Variants in UPP2 observed in about 807,000 individuals in gnomAD.
The protein encoded by UPP2 is UPase 2.
Under a neutral mutation model 26.7 loss-of-function variants are expected in UPP2, and 23 were observed. The observed-to-expected ratio is 0.86, with a 90% confidence interval of 0.62 to 1.22. UPP2 has a LOEUF of 1.22. UPP2 is among the 50% of genes most tolerant of loss of function. The pLI is 0.00. For missense variants in UPP2, 387 were observed against 396.7 expected (o/e 0.98, Z 0.21); for synonymous variants, 127 against 141.3 (o/e 0.90, Z 0.72).
intron 3 of UPP2, among the ~76,000 whole-genome samples, chr2:158,090,584 A>G (rs1682896445): frequency 6.6e-6 from 1 of 152,234 alleles, no homozygotes; most frequent in Admixed American, 6.5e-5. Context: ...TACCCATAGC[A>G]ATTAAAAATA....
At chr2:158,064,439 G>T (rs1682403002) in intron 3 of UPP2, among the ~76,000 whole-genome samples, 1 of 149,866 alleles carries the variant, frequency 6.7e-6, no homozygotes, top group South Asian at 2.1e-4. Flanking sequence ...CTTTTTGATG[G>T]TTTTTTTTTT....
intron 6 of UPP2, chr2:158,126,500 G>A (rs1683697151): frequency 6.6e-6 from 1 of 152,158 alleles, no homozygotes; most frequent in South Asian, 2.1e-4. Context: ...TCTAAAAGGT[G>A]GATTCCTGGT....
At chr2:158,013,430 A>G (rs1683611078) in intron 2 of UPP2, among the ~76,000 whole-genome samples, 1 of 152,250 alleles carries the variant, frequency 6.6e-6, no homozygotes, top group South Asian at 2.1e-4. Context: ...TACCAATGTT[A>G]GGGGTTGGCC....
At chr2:158,097,870 T>G (rs892293808), upstream of UPP2, among the ~76,000 whole-genome samples, 2 of 152,222 alleles carry the variant, frequency 1.3e-5, no homozygotes, top group East Asian at 1.9e-4. Flanking sequence ...TATAGTACTT[T>G]GAAACCTAAT....
At chr2:158,010,420 C>T (rs1280090792) in intron 2 of UPP2, among the ~76,000 whole-genome samples, 2 of 152,192 alleles carry the variant, frequency 1.3e-5, no homozygotes, top group Non-Finnish European at 2.9e-5. Flanking sequence ...ACTGTTGCAT[C>T]CTCTTCCCGC....
intron 2 of UPP2, among the ~76,000 whole-genome samples, chr2:158,009,222 T>C (rs1215783134): frequency 1.3e-5 from 2 of 152,240 alleles, no homozygotes; most frequent in Non-Finnish European, 2.9e-5. Flanking sequence ...TTTATTGTAG[T>C]TAATTCTAAA....
chr2:158,119,385 A>T (rs369882560), intron 4 of UPP2, among the ~76,000 whole-genome samples: 123 of 152,148 alleles, frequency 8.1e-4, no homozygotes, highest in African/African-American at 2.9e-3. Flanking sequence ...TTGAAGTTTT[A>T]TCCTCATTAA....
rs150913674 is a variant in UPP2 at position 158,118,753 on chromosome 2, T to C, written c.454+815T>C. Among the ~76,000 whole-genome samples, 299 of 152,038 alleles carry C rather than the reference T, an allele frequency of 2.0e-3. 2 individuals are homozygous for C. The highest frequency in any genetic ancestry group is 6.9e-3 in the African/African-American group (286 of 41,532). On this transcript the variant is annotated intron_variant, in intron 4 of 6. Coordinates refer to ENST00000005756, the MANE Select transcript of UPP2 (RefSeq NM_173355.4). ...AAGGGCTGAGATTTGGGAAGAGAAA[T>C]GGTGGTAGAATTAGACATTTATGGA...
chr2:158,110,901 G>T (rs1490353359), intron 2 of UPP2, among the ~76,000 whole-genome samples: 1 of 152,160 alleles, frequency 6.6e-6, no homozygotes, highest in African/African-American at 2.4e-5. Context: ...GCAGATTCTG[G>T]ATATTAGCCC....
chr2:157,999,820 G>T (rs1371801869), intron 2 of UPP2, among the ~76,000 whole-genome samples: 1 of 152,038 alleles, frequency 6.6e-6, no homozygotes, highest in African/African-American at 2.4e-5. Context: ...TTTATTTTGG[G>T]ATGCTATTCA....
chr2:158,017,232 A>G (rs1683673591), intron 3 of UPP2, among the ~76,000 whole-genome samples: 1 of 152,184 alleles, frequency 6.6e-6, no homozygotes, highest in Non-Finnish European at 1.5e-5. Context: ...CAGCTCTTCT[A>G]TGATTTTAAG....
chr2:158,085,197 G>A (rs1682793441), intron 3 of UPP2, among the ~76,000 whole-genome samples: 1 of 151,778 alleles, frequency 6.6e-6, no homozygotes, highest in Admixed American at 6.6e-5. Flanking sequence ...TCCTTGTAGA[G>A]GTCTTTCACC....
At chr2:158,065,512 T>G (rs1438522051) in intron 3 of UPP2, 1 of 383,846 alleles carries the variant, frequency 2.6e-6, no homozygotes, top group Non-Finnish European at 5.1e-6. Context: ...AATTCTTTCA[T>G]AACCCTATTG....
At chr2:158,023,276 C>T (rs551638050) in intron 3 of UPP2, among the ~76,000 whole-genome samples, 200 of 150,370 alleles carry the variant, frequency 1.3e-3, no homozygotes, top group Non-Finnish European at 2.2e-3. Context: ...TGCTTTACCC[C>T]CAATGTAGAG....
At position 158,096,107 on chromosome 2, in the gene UPP2, C is replaced by T. The variant is rs192371556; in HGVS notation, c.148-5933C>T. 4.1e-4 allele frequency among the ~76,000 whole-genome samples: 63 copies of T among 152,254 alleles called. 2 individuals are homozygous for T. In the East Asian group the frequency reaches 0.012, roughly 29 times the overall value. On this transcript the variant is annotated intron_variant, in intron 3 of 9. Transcript: ENST00000605860. ...ACCTTTGCTGGCTGTTCAGAGTTTTCTGTTGACTCTGAGGCTCTGGTGTTG... is the reference window on the plus strand; with the variant it reads ...ACCTTTGCTGGCTGTTCAGAGTTTTTTGTTGACTCTGAGGCTCTGGTGTTG...
rs115055423 is a variant in UPP2 at position 158,111,188 on chromosome 2, T to C, written c.181-3913T>C. Reference sequence around the variant, plus strand: ...ATTCCCTTTCCATAAGTTCTATGCATTACTGAGAGAGGTGAAGTCTCAAAC... The same window carrying C: ...ATTCCCTTTCCATAAGTTCTATGCACTACTGAGAGAGGTGAAGTCTCAAAC... On this transcript the variant is annotated intron_variant, in intron 2 of 6. Transcript: ENST00000005756. Among the ~76,000 whole-genome samples the C allele has an allele frequency of 1.5e-3, 231 of 152,306 alleles. 1 individual carries two copies. The highest frequency in any genetic ancestry group is 5.5e-3 in the African/African-American group (227 of 41,578).
intron 3 of UPP2, among the ~76,000 whole-genome samples, chr2:158,042,065 G>T (rs2105164396): frequency 6.6e-6 from 1 of 152,304 alleles, no homozygotes; most frequent in East Asian, 1.9e-4. Flanking sequence ...TAGGGGTCAA[G>T]TAATGCTGCC....
intron 5 of UPP2, among the ~76,000 whole-genome samples, chr2:158,123,475 G>A (rs1288784965): frequency 6.6e-6 from 1 of 152,166 alleles, no homozygotes; most frequent in Non-Finnish European, 1.5e-5. Flanking sequence ...TGGGCACAGT[G>A]CTGGCTGCTG....
At chr2:158,015,766 C>T (rs1165426093) in intron 2 of UPP2, 5 of 453,078 alleles carry the variant, frequency 1.1e-5, no homozygotes, top group South Asian at 4.7e-5. Context: ...TACCCCTTTG[C>T]TCTCTGTCTC....
Sources: gnomAD v4.1 joint callset for allele counts (sites outside exome capture counted in the v4.1 genomes callset) on GRCh38, gnomAD v4.1.1 for gene constraint, MANE v1.5 for transcripts, NCBI Gene and HGNC (gene_info 2026-07-23, HGNC 2026-07-21) for gene names.